The following MATN2 variants were observed in gnomAD, a reference collection of about 807,000 sequenced individuals.
The protein encoded by MATN2 is matrilin 2.
In MATN2, 69 loss-of-function variants were observed where a neutral mutation model predicts 103.2. That is an observed-to-expected ratio of 0.67 (90% CI 0.55 to 0.82). The LOEUF (loss-of-function observed/expected upper bound fraction) is 0.82, where lower values mean the gene tolerates loss of function less well. MATN2 is among the 40% of genes least tolerant of loss of function. The probability of loss-of-function intolerance (pLI) is 0.00; values close to 1 mark genes in which losing one functional copy is unlikely to be tolerated. For synonymous variants in MATN2, 429 were observed against 450.2 expected, an observed-to-expected ratio of 0.95 and a Z score of 0.60; for missense variants, 1,023 against 1,211.5, an observed-to-expected ratio of 0.84 and a Z score of 2.31.
At chr8:97,932,450 C>T (rs555092285) in intron 3 of MATN2, among the ~76,000 whole-genome samples, 2 of 152,286 alleles carry the variant, frequency 1.3e-5, no homozygotes, top group South Asian at 4.2e-4. Flanking sequence ...CCTCACCTGC[C>T]AACTCTTTCT....
At chr8:97,903,158 T>C (rs1441389855) in intron 2 of MATN2, among the ~76,000 whole-genome samples, 1 of 152,176 alleles carries the variant, frequency 6.6e-6, no homozygotes, top group Non-Finnish European at 1.5e-5. Context: ...TATTGCACCA[T>C]GTACAGTAAT....
At chr8:98,026,241 T>C (rs1813801701) in intron 13 of MATN2, among the ~76,000 whole-genome samples, 1 of 148,668 alleles carries the variant, frequency 6.7e-6, no homozygotes, top group South Asian at 2.1e-4. Flanking sequence ...TGGTGATAAC[T>C]TTTTTTTTAA....
Position 97,941,902 on chromosome 8 carries a change from A to G in MATN2, c.835+3A>G, listed in dbSNP as rs1436146518. The G allele has an allele frequency of 6.2e-7, 1 of 1,612,564 alleles. No individual in the cohort carries two copies. Among genetic ancestry groups the G allele is most frequent in the African/African-American group, 1.3e-5 (1 of 75,020 alleles). ...CTCGGATCAGACGACTTGCAGAAGT[A>G]AGATTGCTTTGCTGATGTATTTGTG... On this transcript the variant is annotated splice_donor_region_variant and intron_variant, in intron 4 of 18. Coordinates refer to ENST00000254898, the MANE Select transcript of MATN2 (RefSeq NM_002380.5).
chr8:97,942,296 G>A (rs1810595431), intron 4 of MATN2, among the ~76,000 whole-genome samples: 1 of 152,236 alleles, frequency 6.6e-6, no homozygotes, highest in South Asian at 2.1e-4. Context: ...GATTTAGGAA[G>A]AGTTGTTAAC....
chr8:97,941,470 C>T (rs1277316926), intron 3 of MATN2, among the ~76,000 whole-genome samples: 1 of 152,206 alleles, frequency 6.6e-6, no homozygotes, highest in Non-Finnish European at 1.5e-5. Flanking sequence ...ATTCCCCAGC[C>T]CACCACATGG....
intron 6 of MATN2, among the ~76,000 whole-genome samples, chr8:97,990,179 C>CAAAAAAAAA (rs34924183): frequency 2.2e-5 from 1 of 45,806 alleles, no homozygotes; most frequent in African/African-American, 8.4e-5. Flanking sequence ...AAGACTCTGT[C>CAAAAAAAAA]AAAAAAAAAA....
chr8:97,943,774 A>G (rs978919235), intron 4 of MATN2, among the ~76,000 whole-genome samples: 27 of 152,302 alleles, frequency 1.8e-4, no homozygotes, highest in Admixed American at 1.6e-3. Flanking sequence ...TCTTAGGAGC[A>G]CAAGGAATTC....
rs1224931577 is a variant in MATN2 at position 98,021,036 on chromosome 8, C to A, written c.1820-169C>A. 5.3e-6 allele frequency: 3 copies of A among 562,502 alleles called. No individual in the cohort carries two copies. The Admixed American group carries it at 1.0e-4, about 19-fold the overall frequency. The allele number at this position is 562,502 out of a possible 1,614,324, so 34.8% of individuals were successfully genotyped here. On this transcript the variant is annotated intron_variant, in intron 12 of 18. Transcript: ENST00000254898. ...GGGAGCTAGAGCTTTCTGAGAGGAG[C>A]TTTTTCCCCATCCTGAGTATGAGAC...
intron 2 of MATN2, among the ~76,000 whole-genome samples, chr8:97,916,763 T>C (rs148685437): frequency 2.4e-4 from 37 of 152,314 alleles, no homozygotes; most frequent in African/African-American, 8.4e-4. Context: ...ATTCAATTCA[T>C]TGGAAACTTT....
chr8:98,030,395 C>A, intron 14 of MATN2, 67 bp from the exon 15 acceptor site: 1 of 1,363,910 alleles, frequency 7.3e-7, no homozygotes, highest in Non-Finnish European at 1.0e-6. Context: ...GGGTGCAGTA[C>A]ACACAACTTC....
At chr8:97,949,467 C>T (rs1810871077) in intron 4 of MATN2, among the ~76,000 whole-genome samples, 1 of 152,070 alleles carries the variant, frequency 6.6e-6, no homozygotes, top group Non-Finnish European at 1.5e-5. Flanking sequence ...AGCCACTGTG[C>T]CTGACCAGAG....
chr8:97,975,541 C>T (rs1811808808), intron 5 of MATN2, among the ~76,000 whole-genome samples: 1 of 152,158 alleles, frequency 6.6e-6, no homozygotes, highest in Non-Finnish European at 1.5e-5. Context: ...GTGTGAGTTT[C>T]TGACTTTTAG....
At chr8:97,955,897 C>T (rs1467010198) in intron 4 of MATN2, among the ~76,000 whole-genome samples, 2 of 152,226 alleles carry the variant, frequency 1.3e-5, no homozygotes, top group African/African-American at 4.8e-5. Flanking sequence ...GGTTCCCTAA[C>T]TGTCATGACA....
chr8:97,985,486 T>C (rs1438603436), intron 6 of MATN2, among the ~76,000 whole-genome samples: 2 of 152,240 alleles, frequency 1.3e-5, no homozygotes, highest in Non-Finnish European at 2.9e-5. Context: ...CAATGTTCCC[T>C]GATTATGTTC....
intron 2 of MATN2, among the ~76,000 whole-genome samples, chr8:97,918,464 T>C (rs1320971229): frequency 6.6e-6 from 1 of 152,202 alleles, no homozygotes; most frequent in South Asian, 2.1e-4. Context: ...GGCCAGTAAA[T>C]ACCATAAGTA....
intron 10 of MATN2, among the ~76,000 whole-genome samples, chr8:98,014,670 C>A (rs1266947785): frequency 6.6e-6 from 1 of 152,134 alleles, no homozygotes; most frequent in African/African-American, 2.4e-5. Flanking sequence ...TTGTCTGGTT[C>A]TTTCTCTTGT....
chr8:97,886,106 C>G (rs1818417238), intron 1 of MATN2, among the ~76,000 whole-genome samples: 1 of 152,018 alleles, frequency 6.6e-6, no homozygotes, highest in African/African-American at 2.4e-5. Context: ...AACATGAACC[C>G]TATCATGAAC....
chr8:97,917,672 A>C (rs1809676832), intron 2 of MATN2, among the ~76,000 whole-genome samples: 1 of 152,236 alleles, frequency 6.6e-6, no homozygotes, highest in Non-Finnish European at 1.5e-5. Flanking sequence ...ATGTGGGGGA[A>C]GACCCTGGAA....
chr8:98,012,263 A>C (rs1386731193), intron 10 of MATN2, among the ~76,000 whole-genome samples: 1 of 151,976 alleles, frequency 6.6e-6, no homozygotes, highest in Non-Finnish European at 1.5e-5. Context: ...TTGTGCCCTG[A>C]CAGTGTTTAA....
Sources: allele counts gnomAD v4.1 joint callset (sites outside exome capture counted in the v4.1 genomes callset), GRCh38; gene constraint gnomAD v4.1.1; transcripts MANE v1.5; gene names NCBI Gene and HGNC (gene_info 2026-07-23, HGNC 2026-07-21).